The following LRRC55 variants were observed in gnomAD, a reference collection of about 807,000 sequenced individuals.
The protein encoded by LRRC55 is leucine-rich repeat-containing protein 55.
A neutral mutation model predicts 20.5 loss-of-function variants in LRRC55; 11 were observed. The observed-to-expected ratio is 0.54, with a 90% confidence interval of 0.34 to 0.89. The LOEUF (loss-of-function observed/expected upper bound fraction) is 0.89, where lower values mean the gene tolerates loss of function less well. Ranked by LOEUF, LRRC55 falls within the 40% of genes least tolerant of loss-of-function variation. The pLI is 0.02. For missense variants in LRRC55, 358 were observed against 390.9 expected (o/e 0.92, Z 0.71); for synonymous variants, 188 against 166.6 (o/e 1.13, Z -0.99).
rs1275371406 is a variant in LRRC55 at position 57,187,754 on chromosome 11, A to G, written c.*274A>G. ...CAAAAACTATTCCCTTTAAGACTATATGTCAGGACTCTGAGCACGTCATTA... is the reference window on the plus strand; with the variant it reads ...CAAAAACTATTCCCTTTAAGACTATGTGTCAGGACTCTGAGCACGTCATTA... On this transcript the variant is annotated 3_prime_UTR_variant, in exon 2 of 2. Transcript: ENST00000497933. 11 of 522,024 alleles carry G rather than the reference A, an allele frequency of 2.1e-5. No individual in the cohort carries two copies. The highest frequency in any genetic ancestry group is 1.7e-4 in the East Asian group (5 of 29,182). The allele number at this position is 522,024 out of a possible 1,614,324, so 32.3% of individuals were successfully genotyped here. A position where few individuals can be genotyped will look rare whatever the true frequency, so the allele number is the denominator to read the frequency against.
At chr11:57,185,586 G>C (rs1021006616) in intron 1 of LRRC55, among the ~76,000 whole-genome samples, 1 of 151,852 alleles carries the variant, frequency 6.6e-6, no homozygotes, top group Non-Finnish European at 1.5e-5. Context: ...TGTCTGGCTG[G>C]GTTATCCCCT....
At position 57,182,066 on chromosome 11, in the gene LRRC55, A is replaced by C. The variant is rs1194020043; in HGVS notation, c.44A>C (p.His15Pro). 1 of 1,614,064 alleles carries C rather than the reference A, an allele frequency of 6.2e-7. No homozygotes were observed. The highest frequency in any genetic ancestry group is 1.7e-5 in the Admixed American group (1 of 60,014). ...CAGCTTCCCTGGCCCGGGCCACCCC[A>C]CCCAGCAATGCTGCTGATCTCCCTC... The part of the protein sequence containing the change: ...WAQLPWPGPP[H>P]PAMLLISLLL... The change falls in exon 1 of 2, where the codon CAC (histidine) becomes CCC (proline). Residue 15 changes from histidine to proline, a missense_variant. By Grantham distance (77) the His-to-Pro change is moderately conservative. This residue lies in a region of LRRC55 where 175 missense variants were observed against 164.5 expected (regional missense o/e 1.06). Coordinates refer to ENST00000497933, the MANE Select transcript of LRRC55 (RefSeq NM_001005210.4).
chr11:57,182,230 C>T lies in LRRC55; in HGVS notation c.208C>T (p.Leu70Phe). The change falls in exon 1 of 2, where the codon CTC becomes TTC. Residue 70 changes from leucine (L) to phenylalanine (F), a missense_variant. Physicochemically the swap from Leu to Phe is conservative, Grantham distance 22. Transcript: ENST00000497933. Reference protein sequence around the residue: ...PPDLPMDTRNLSLAHNRITAV... With the variant: ...PPDLPMDTRNFSLAHNRITAV... ...AGACCTGCCAATGGACACCCGAAAC[C>T]TCAGCCTGGCCCACAACCGCATCAC... The T allele has an allele frequency of 6.2e-7, 1 of 1,614,220 alleles. No individual in the cohort carries two copies. Among genetic ancestry groups the T allele is most frequent in the Non-Finnish European group, 8.5e-7 (1 of 1,180,032 alleles).
At position 57,189,384 on chromosome 11, in the gene LRRC55, C is replaced by A. The variant is rs1219357756; in HGVS notation, c.*1904C>A. The A allele has an allele frequency of 1.3e-5, 2 of 152,188 alleles. No individual in the cohort carries two copies. Among genetic ancestry groups the A allele is most frequent in the African/African-American group, 2.4e-5 (1 of 41,420 alleles). The allele number at this position is 152,188 out of a possible 1,614,324, so 9.4% of individuals were successfully genotyped here. Reference sequence around the variant, plus strand: ...AGTGGATAAGCTAAATAGAAGGCAGCCAAACCCATCTGCTGTACAGATTGA... The same window carrying A: ...AGTGGATAAGCTAAATAGAAGGCAGACAAACCCATCTGCTGTACAGATTGA... On this transcript the variant is annotated 3_prime_UTR_variant, in exon 2 of 2. Coordinates refer to ENST00000497933, the MANE Select transcript of LRRC55 (RefSeq NM_001005210.4).
intron 1 of LRRC55, among the ~76,000 whole-genome samples, chr11:57,186,957 A>G (rs1238886483): frequency 1.3e-5 from 2 of 151,992 alleles, no homozygotes; most frequent in Non-Finnish European, 2.9e-5. Context: ...TTGGGAGGTT[A>G]TTGTAAGAGA....
intron 1 of LRRC55, among the ~76,000 whole-genome samples, chr11:57,185,076 A>G (rs1021637902): frequency 1.3e-5 from 2 of 152,072 alleles, no homozygotes; most frequent in East Asian, 1.9e-4. Context: ...CTGACTCCCC[A>G]TTTCCAAGGA....
At position 57,187,758 on chromosome 11, in the gene LRRC55, C is replaced by A; in HGVS notation, c.*278C>A. 1.9e-6 allele frequency: 1 copy of A among 516,374 alleles called. No individual in the cohort carries two copies. The highest frequency in any genetic ancestry group is 3.5e-5 in the East Asian group (1 of 28,696). The allele number at this position is 516,374 out of a possible 1,614,324, so 32.0% of individuals were successfully genotyped here. On this transcript the variant is annotated 3_prime_UTR_variant, in exon 2 of 2. Transcript: ENST00000497933. ...AACTATTCCCTTTAAGACTATATGT[C>A]AGGACTCTGAGCACGTCATTATGGA...
Position 57,187,811 on chromosome 11 carries a change from T to G in LRRC55, c.*331T>G, listed in dbSNP as rs1194146246. The G allele has an allele frequency of 1.2e-5, 5 of 406,562 alleles. No homozygotes were observed. The highest frequency in any genetic ancestry group is 8.3e-5 in the African/African-American group (4 of 48,354). 25.2% of individuals were successfully genotyped at this position (406,562 alleles called of 1,614,324 possible). ...CCCAGAGGAGGAGCCATCATCTGTA[T>G]CTAGCAATGTCCATGAGAATTATAA... On this transcript the variant is annotated 3_prime_UTR_variant, in exon 2 of 2. Transcript: ENST00000497933.
chr11:57,187,169 C>A (rs1854441700), intron 1 of LRRC55, 76 bp from the exon 2 acceptor site: 7 of 1,283,334 alleles, frequency 5.5e-6, no homozygotes, highest in Non-Finnish European at 5.6e-6. Flanking sequence ...CTTTTTCCAG[C>A]AAGCGGTTGT....
chr11:57,184,217 C>G (rs1267826997), intron 1 of LRRC55, among the ~76,000 whole-genome samples: 4 of 152,096 alleles, frequency 2.6e-5, no homozygotes, highest in African/African-American at 9.7e-5. Flanking sequence ...TCAACTTGCT[C>G]AAACTTGGCA....
chr11:57,187,008 A>T (rs1367130212), intron 1 of LRRC55, among the ~76,000 whole-genome samples: 1 of 152,224 alleles, frequency 6.6e-6, no homozygotes, highest in African/African-American at 2.4e-5. Flanking sequence ...CAGCCAGATG[A>T]CTTTCAGCAA....
intron 1 of LRRC55, among the ~76,000 whole-genome samples, chr11:57,185,270 CTTTTTTTTT>C (rs58800728): frequency 3.4e-5 from 3 of 89,412 alleles, no homozygotes; most frequent in African/African-American, 1.6e-4. Flanking sequence ...CTTTTCTTTT[CTTTTTTTTT>C]TTTTTTTTTT....
intron 1 of LRRC55, among the ~76,000 whole-genome samples, chr11:57,186,877 G>A (rs552599550): frequency 2.3e-4 from 35 of 152,322 alleles, no homozygotes; most frequent in African/African-American, 6.5e-4. Flanking sequence ...TATTAAAATC[G>A]TTTGTCAGCT....
chr11:57,182,694 G>T lies in LRRC55; in HGVS notation c.661+11G>T. On this transcript the variant is annotated intron_variant, in intron 1 of 1. Transcript: ENST00000497933. ...AGCGCTGTACAGCAGGTAATAGAGG[G>T]GCAGAACGGGGCAGTCAACAGGGAG... The T allele has an allele frequency of 6.8e-7, 1 of 1,464,932 alleles. No homozygotes were observed. 90.7% of individuals were successfully genotyped at this position (1,464,932 alleles called of 1,614,324 possible).
In LRRC55 at chr11:57,182,166, G is replaced by C; in HGVS notation, c.144G>C (p.Val48=). The C allele has an allele frequency of 6.2e-7, 1 of 1,614,156 alleles. No individual in the cohort carries two copies. Among genetic ancestry groups the C allele is most frequent in the African/African-American group, 1.3e-5 (1 of 75,032 alleles). The part of the protein sequence containing the change: ...CPVLCTCRNQ[V]VDCSSQRLFS... ...TCCTTTGCACATGCCGTAACCAGGT[G>C]GTGGATTGTAGCAGCCAGCGGCTAT... The change falls in exon 1 of 2, where the codon GTG becomes GTC. Residue 48 remains valine (V), a synonymous_variant. Transcript: ENST00000497933.
At position 57,182,284 on chromosome 11, in the gene LRRC55, T is replaced by A; in HGVS notation, c.262T>A (p.Tyr88Asn). 6.2e-7 allele frequency: 1 copy of A among 1,614,130 alleles called. No homozygotes were observed. Among genetic ancestry groups the A allele is most frequent in the Non-Finnish European group, 8.5e-7 (1 of 1,180,018 alleles). ...TAVPPGYLTCYMELQVLDLHN... is the reference protein window; with the variant it reads ...TAVPPGYLTCNMELQVLDLHN... ...AGTGCCGCCTGGCTACCTCACATGC[T>A]ACATGGAGCTCCAGGTGCTGGATTT... is the stretch of plus-strand genomic sequence containing the variant. The change falls in exon 1 of 2, where the codon TAC (tyrosine) becomes AAC (asparagine). Residue 88 changes from tyrosine to asparagine, a missense_variant. Transcript: ENST00000497933.
chr11:57,191,100 T>A lies in LRRC55; in HGVS notation c.*3620T>A. 1 of 152,234 alleles carries A rather than the reference T, an allele frequency of 6.6e-6. No individual in the cohort carries two copies. The highest frequency in any genetic ancestry group is 1.9e-4 in the East Asian group (1 of 5,186). The allele number at this position is 152,234 out of a possible 1,614,324, so 9.4% of individuals were successfully genotyped here. A position where few individuals can be genotyped will look rare whatever the true frequency, so the allele number is the denominator to read the frequency against. ...CCCTCATATCTGAATCACATCACTT[T>A]GGGCCAGTTATCTCTGGTCACCCTC... On this transcript the variant is annotated 3_prime_UTR_variant, in exon 2 of 2. Coordinates refer to ENST00000497933, the MANE Select transcript of LRRC55 (RefSeq NM_001005210.4).
intron 1 of LRRC55, among the ~76,000 whole-genome samples, chr11:57,184,991 C>T (rs575917630): frequency 1.2e-4 from 19 of 152,256 alleles, no homozygotes; most frequent in South Asian, 4.1e-4. Flanking sequence ...CTGGGCAGGA[C>T]GGGGGTCCTG....
rs986745826 is a variant in LRRC55 at position 57,189,767 on chromosome 11, G to A, written c.*2287G>A. The A allele has an allele frequency of 8.5e-5, 13 of 152,150 alleles. No homozygotes were observed. The highest frequency in any genetic ancestry group is 2.7e-4 in the African/African-American group (11 of 41,410). 9.4% of individuals were successfully genotyped at this position (152,150 alleles called of 1,614,324 possible). On this transcript the variant is annotated 3_prime_UTR_variant, in exon 2 of 2. Coordinates refer to ENST00000497933, the MANE Select transcript of LRRC55 (RefSeq NM_001005210.4). ...CACCTCCCTTGCCCCAAGCTCCAGC[G>A]GTATTCTATCAGCCCATCCTCCTGG...
Sources: allele counts gnomAD v4.1 joint callset (sites outside exome capture counted in the v4.1 genomes callset), GRCh38; gene constraint gnomAD v4.1.1; regional missense constraint gnomAD v4.1.1; transcripts MANE v1.5; gene names NCBI Gene and HGNC (gene_info 2026-07-23, HGNC 2026-07-21).